The following EPHA6 variants were observed in gnomAD, a reference collection of about 807,000 sequenced individuals.
EPHA6 encodes the protein ephrin type-A receptor 6.
In EPHA6, 50 loss-of-function variants were observed where a neutral mutation model predicts 112.0. The observed-to-expected ratio is 0.45, with a 90% CI of 0.36 to 0.56. The LOEUF is 0.56. Among genes scored for constraint, EPHA6 ranks in the 20% least tolerant of loss-of-function variants. The probability of loss-of-function intolerance (pLI) is 0.00; values close to 1 mark genes in which losing one functional copy is unlikely to be tolerated. For synonymous variants in EPHA6, 529 were observed against 490.7 expected (o/e 1.08, Z -1.03); for missense variants, 1,280 against 1,417.4 (o/e 0.90, Z 1.56).
intron 5 of EPHA6, among the ~76,000 whole-genome samples, chr3:97,261,426 A>G (rs546382943): frequency 1.3e-5 from 2 of 152,338 alleles, no homozygotes; most frequent in African/African-American, 2.4e-5. Context: ...AAAATGAACA[A>G]TTACACATGA....
At chr3:97,686,254 T>C (rs1479719435) in intron 14 of EPHA6, among the ~76,000 whole-genome samples, 1 of 152,166 alleles carries the variant, frequency 6.6e-6, no homozygotes, top group Non-Finnish European at 1.5e-5. Context: ...GGGTCAGCTA[T>C]TGGACATCTA....
chr3:97,480,849 G>C (rs1454886963), intron 9 of EPHA6, among the ~76,000 whole-genome samples: 7 of 151,788 alleles, frequency 4.6e-5, no homozygotes, highest in African/African-American at 1.7e-4. Flanking sequence ...TGGGGCGGCC[G>C]GGCAGAGGCG....
intron 5 of EPHA6, among the ~76,000 whole-genome samples, chr3:97,291,543 G>T (rs753375709): frequency 6.6e-6 from 1 of 151,726 alleles, no homozygotes; most frequent in Non-Finnish European, 1.5e-5. Context: ...TTTCTTTTTT[G>T]TTCTTTTTCT....
intron 11 of EPHA6, among the ~76,000 whole-genome samples, chr3:97,574,910 G>A (rs1457479871): frequency 6.6e-6 from 1 of 151,850 alleles, no homozygotes; most frequent in Non-Finnish European, 1.5e-5. Flanking sequence ...TACCTATTGG[G>A]TACTATATTC....
At chr3:97,010,724 T>G (rs2213252) in intron 3 of EPHA6, among the ~76,000 whole-genome samples, 9,365 of 152,166 alleles carry the variant, frequency 0.062, 316 homozygotes, top group Middle Eastern at 0.12. Flanking sequence ...GCGGTAGCGA[T>G]CTCGGCACAC....
chr3:97,025,137 A>G (rs1412472190), intron 3 of EPHA6, among the ~76,000 whole-genome samples: 1 of 152,202 alleles, frequency 6.6e-6, no homozygotes, highest in Admixed American at 6.5e-5. Flanking sequence ...AGCAATACCT[A>G]TGTCATGAGA....
At chr3:97,334,309 T>TA in intron 5 of EPHA6, among the ~76,000 whole-genome samples, 1 of 152,134 alleles carries the variant, frequency 6.6e-6, no homozygotes, top group African/African-American at 2.4e-5. Flanking sequence ...ATAAATGAGT[T>TA]AAAAAGCATT....
chr3:97,141,294 G>A (rs749087417), intron 3 of EPHA6, among the ~76,000 whole-genome samples: 1 of 151,878 alleles, frequency 6.6e-6, no homozygotes, highest in South Asian at 2.1e-4. Context: ...ATCAACAAAG[G>A]GCCTCTGGAC....
chr3:97,168,059 CT>C (rs1370775335), intron 3 of EPHA6, among the ~76,000 whole-genome samples: 1 of 151,838 alleles, frequency 6.6e-6, no homozygotes, highest in Non-Finnish European at 1.5e-5. Flanking sequence ...AGAAATTTTT[CT>C]TAAGAAAGTA....
At chr3:97,432,684 G>T (rs1207686814) in intron 6 of EPHA6, among the ~76,000 whole-genome samples, 3 of 152,118 alleles carry the variant, frequency 2.0e-5, no homozygotes, top group East Asian at 1.9e-4. Context: ...CCACATGGCT[G>T]GCAAGGCCTC....
intron 14 of EPHA6, among the ~76,000 whole-genome samples, chr3:97,652,902 A>G (rs1049515989): frequency 1.3e-5 from 2 of 152,134 alleles, no homozygotes; most frequent in Middle Eastern, 3.4e-3. Flanking sequence ...AAGACATTCT[A>G]CCTGATATAG....
At chr3:97,294,956 A>T (rs1437627380) in intron 5 of EPHA6, among the ~76,000 whole-genome samples, 5 of 151,234 alleles carry the variant, frequency 3.3e-5, no homozygotes, top group Non-Finnish European at 5.9e-5. Context: ...TGTTAGTCTG[A>T]TGGGGGGGTT....
At chr3:96,990,684 T>C (rs183402292) in intron 3 of EPHA6, among the ~76,000 whole-genome samples, 1 of 152,244 alleles carries the variant, frequency 6.6e-6, no homozygotes, top group Admixed American at 6.5e-5. Flanking sequence ...AAGATATATA[T>C]AGTGCACTAC....
intron 4 of EPHA6, among the ~76,000 whole-genome samples, chr3:97,233,649 T>C (rs947180157): frequency 2.0e-5 from 3 of 152,202 alleles, no homozygotes; most frequent in African/African-American, 7.2e-5. Flanking sequence ...GGAATTTAGA[T>C]CATCAGTCAT....
At chr3:97,408,187 G>A (rs372149273) in intron 6 of EPHA6, among the ~76,000 whole-genome samples, 14 of 152,062 alleles carry the variant, frequency 9.2e-5, no homozygotes, top group East Asian at 5.8e-4. Context: ...CCAAGAGGGT[G>A]TAGCCTTCAT....
chr3:96,909,470 T>G (rs993936359), intron 2 of EPHA6, among the ~76,000 whole-genome samples: 2 of 151,960 alleles, frequency 1.3e-5, no homozygotes, highest in African/African-American at 4.8e-5. Context: ...CATTTGGGAA[T>G]GACAATATGC....
At chr3:97,263,009 G>T (rs1299988953) in intron 5 of EPHA6, among the ~76,000 whole-genome samples, 1 of 152,118 alleles carries the variant, frequency 6.6e-6, no homozygotes, top group Admixed American at 6.5e-5. Flanking sequence ...CTATAATTTA[G>T]ACTTTACAAA....
At chr3:97,172,965 A>C (rs2076739433) in intron 3 of EPHA6, among the ~76,000 whole-genome samples, 1 of 151,976 alleles carries the variant, frequency 6.6e-6, no homozygotes, top group Admixed American at 6.6e-5. Context: ...ATTAATGGTC[A>C]GCAACAACAA....
chr3:96,991,567 C>T (rs932817774), intron 3 of EPHA6, among the ~76,000 whole-genome samples: 3 of 152,044 alleles, frequency 2.0e-5, no homozygotes, highest in Admixed American at 6.6e-5. Flanking sequence ...AGAGTGAATA[C>T]CTGAAAGTTT....
Sources: gnomAD v4.1 joint callset for allele counts (sites outside exome capture counted in the v4.1 genomes callset) on GRCh38, gnomAD v4.1.1 for gene constraint, MANE v1.5 for transcripts, NCBI Gene and HGNC (gene_info 2026-07-23, HGNC 2026-07-21) for gene names.